GALNTL6: variants seen among roughly 807,000 people sequenced by gnomAD.
GALNTL6 encodes polypeptide N-acetylgalactosaminyltransferase like 6.
GALNTL6 carries 46 observed loss-of-function variants against 73.7 expected under a neutral mutation model. The observed-to-expected ratio is 0.62, with a 90% CI of 0.49 to 0.80. The LOEUF is 0.80. Among genes scored for constraint, GALNTL6 ranks in the 30% least tolerant of loss-of-function variants. The pLI is 0.00. For missense variants in GALNTL6, 604 were observed against 755.0 expected, an observed-to-expected ratio of 0.80 and a Z score of 2.34; for synonymous variants, 259 against 263.7, an observed-to-expected ratio of 0.98 and a Z score of 0.17.
Position 172,515,390 on chromosome 4 carries a change from C to T in GALNTL6, c.553+166701C>T, listed in dbSNP as rs540767661. Among the ~76,000 whole-genome samples the T allele has an allele frequency of 1.4e-4, 21 of 152,340 alleles. No homozygotes were observed. In the East Asian group the frequency reaches 2.5e-3, roughly 18 times the overall value. Reference sequence around the variant, plus strand: ...CCAGCCCACTGAGCAGAGCTGCGCTCCTCTCCCTTGGGCTTGTGTGTGATG... The same window carrying T: ...CCAGCCCACTGAGCAGAGCTGCGCTTCTCTCCCTTGGGCTTGTGTGTGATG... On this transcript the variant is annotated intron_variant, in intron 5 of 12. Transcript: ENST00000506823.
At chr4:172,371,522 C>T (rs1262131906) in intron 5 of GALNTL6, among the ~76,000 whole-genome samples, 3 of 152,050 alleles carry the variant, frequency 2.0e-5, no homozygotes, top group East Asian at 1.9e-4. Flanking sequence ...TTTACTATTT[C>T]TCTCTCTCTT....
intron 12 of GALNTL6, among the ~76,000 whole-genome samples, chr4:173,022,926 G>A (rs1413229875): frequency 6.6e-6 from 1 of 152,170 alleles, no homozygotes; most frequent in East Asian, 1.9e-4. Flanking sequence ...GAACTTGGCT[G>A]TCAATTAGCA....
At chr4:172,855,909 A>G (rs148168741) in intron 7 of GALNTL6, among the ~76,000 whole-genome samples, 31 of 152,272 alleles carry the variant, frequency 2.0e-4, no homozygotes, top group Middle Eastern at 3.4e-3. Context: ...CTGTGGTGCA[A>G]TCGACATAGG....
intron 10 of GALNTL6, among the ~76,000 whole-genome samples, chr4:172,986,155 T>C (rs1220124445): frequency 6.6e-6 from 1 of 152,212 alleles, no homozygotes; most frequent in Non-Finnish European, 1.5e-5. Context: ...AATTTTCCCA[T>C]GTCAAATTTT....
At chr4:172,699,394 A>G (rs2111284830) in intron 5 of GALNTL6, among the ~76,000 whole-genome samples, 1 of 152,330 alleles carries the variant, frequency 6.6e-6, no homozygotes, top group Middle Eastern at 3.4e-3. Flanking sequence ...AAAAGATTTC[A>G]CAATATATCA....
chr4:172,482,616 G>T (rs1369909335), intron 5 of GALNTL6, among the ~76,000 whole-genome samples: 1 of 152,206 alleles, frequency 6.6e-6, no homozygotes, highest in Non-Finnish European at 1.5e-5. Flanking sequence ...CTAGAAAAAT[G>T]CCACAAGTTA....
chr4:172,851,167 G>A (rs1743794212), intron 7 of GALNTL6, among the ~76,000 whole-genome samples: 1 of 151,994 alleles, frequency 6.6e-6, no homozygotes, highest in African/African-American at 2.4e-5. Flanking sequence ...TTAGAACAAA[G>A]GAATCTACTA....
intron 3 of GALNTL6, among the ~76,000 whole-genome samples, chr4:172,278,929 T>C (rs1738933711): frequency 6.6e-6 from 1 of 152,098 alleles, no homozygotes; most frequent in East Asian, 1.9e-4. Context: ...TATGGCCAAA[T>C]GATTTTCAAC....
intron 5 of GALNTL6, among the ~76,000 whole-genome samples, chr4:172,371,317 C>T (rs1337710386): frequency 6.6e-6 from 1 of 152,222 alleles, no homozygotes; most frequent in Non-Finnish European, 1.5e-5. Context: ...TGTTAGGAAA[C>T]TTCCTGGGTT....
In GALNTL6 at chr4:172,658,166, A is replaced by AAAAAAAAG. The variant is rs1439296482; in HGVS notation, c.554-151192_554-151191insAAAAGAAA. On this transcript the variant is annotated intron_variant, in intron 5 of 12. Transcript: ENST00000506823. ...CTCCGTCTCAAAAAAAAAAAAAAAA[A>AAAAAAAAG]AAAGAAATATCTTTGTGGGGCCGGG... 7.5e-4 allele frequency among the ~76,000 whole-genome samples: 90 copies of AAAAAAAAG among 120,454 alleles called. 3 individuals carry two copies. The highest frequency in any genetic ancestry group is 1.2e-3 in the Non-Finnish European group (69 of 57,722). 79.0% of individuals were successfully genotyped at this position (120,454 alleles called of 152,430 possible). A position where few individuals can be genotyped will look rare whatever the true frequency, so the allele number is the denominator to read the frequency against.
chr4:172,948,033 A>G lies in GALNTL6; in HGVS notation c.1150-4004A>G, dbSNP rs185672004. Among the ~76,000 whole-genome samples the G allele has an allele frequency of 5.9e-5, 9 of 152,342 alleles. 1 individual carries two copies. Among genetic ancestry groups the G allele is most frequent in the Admixed American group, 2.0e-4 (3 of 15,306 alleles). ...ACTAACACAATGTTTTATTATTTCC[A>G]GAATACTGACCTCAGAAAGATTTTA... On this transcript the variant is annotated intron_variant, in intron 9 of 12. Coordinates refer to ENST00000506823, the MANE Select transcript of GALNTL6 (RefSeq NM_001034845.3).
intron 12 of GALNTL6, among the ~76,000 whole-genome samples, chr4:173,034,952 T>C (rs1197078405): frequency 6.6e-6 from 1 of 152,168 alleles, no homozygotes; most frequent in Non-Finnish European, 1.5e-5. Context: ...CAATATATTT[T>C]TTGTTGAATA....
intron 7 of GALNTL6, among the ~76,000 whole-genome samples, chr4:172,836,301 A>G (rs1742907674): frequency 6.6e-6 from 1 of 152,252 alleles, no homozygotes; most frequent in Non-Finnish European, 1.5e-5. Context: ...TACCACAGCC[A>G]GGAAAGAGCA....
intron 2 of GALNTL6, among the ~76,000 whole-genome samples, chr4:171,856,608 G>T (rs1735698895): frequency 6.6e-6 from 1 of 152,112 alleles, no homozygotes; most frequent in Non-Finnish European, 1.5e-5. Context: ...TTAATGTAAG[G>T]TCTGTCTCAA....
chr4:172,806,635 T>G (rs1388836019), intron 5 of GALNTL6, among the ~76,000 whole-genome samples: 1 of 152,176 alleles, frequency 6.6e-6, no homozygotes, highest in Non-Finnish European at 1.5e-5. Flanking sequence ...CTTTAGTCCT[T>G]GGGTGTCAGG....
chr4:172,338,656 G>C (rs951747845), intron 4 of GALNTL6, among the ~76,000 whole-genome samples: 13 of 152,092 alleles, frequency 8.5e-5, no homozygotes, highest in Non-Finnish European at 1.8e-4. Context: ...ACATATATTT[G>C]AACCTTGTTT....
At chr4:172,701,022 G>C (rs1280558344) in intron 5 of GALNTL6, among the ~76,000 whole-genome samples, 2 of 152,056 alleles carry the variant, frequency 1.3e-5, no homozygotes, top group Non-Finnish European at 2.9e-5. Flanking sequence ...CTTTGCCTGA[G>C]AAGTAGAAAT....
At chr4:172,988,919 C>T (rs1463385123) in intron 10 of GALNTL6, among the ~76,000 whole-genome samples, 1 of 152,220 alleles carries the variant, frequency 6.6e-6, no homozygotes, top group East Asian at 1.9e-4. Context: ...TATGGAAATG[C>T]CTGGATGTCC....
intron 7 of GALNTL6, among the ~76,000 whole-genome samples, chr4:172,860,267 C>G (rs977108660): frequency 2.6e-5 from 4 of 152,118 alleles, no homozygotes; most frequent in African/African-American, 9.7e-5. Flanking sequence ...TTATGATCTG[C>G]AGCATATTAT....
Sources: gnomAD v4.1 joint callset for allele counts (sites outside exome capture counted in the v4.1 genomes callset) on GRCh38, gnomAD v4.1.1 for gene constraint, MANE v1.5 for transcripts, NCBI Gene and HGNC (gene_info 2026-07-23, HGNC 2026-07-21) for gene names.